The following EYS variants were observed in gnomAD, a reference collection of about 807,000 sequenced individuals.
EYS encodes EGF-like photoreceptor maintenance factor, also known as protein eyes shut homolog.
A neutral mutation model predicts 282.1 loss-of-function variants in EYS; 250 were observed. That is an observed-to-expected ratio of 0.89 (90% confidence interval 0.80 to 0.98). The LOEUF is 0.98. Ranked by LOEUF, EYS falls within the 50% of genes least tolerant of loss-of-function variation. The pLI, the probability that EYS is intolerant of heterozygous loss-of-function variation, is 0.00. For synonymous variants in EYS, 1,355 were observed against 1,282.9 expected (o/e 1.06, Z -1.20); for missense variants, 4,016 against 3,709.0 (o/e 1.08, Z -2.15).
chr6:65,329,736 T>A (rs183965413), intron 11 of EYS: 203 of 973,916 alleles, frequency 2.1e-4, no homozygotes, highest in Non-Finnish European at 2.4e-4. Context: ...TTAGAATAAA[T>A]AATTATTAGA....
chr6:64,585,478 T>C (rs1766207387), intron 26 of EYS, among the ~76,000 whole-genome samples: 1 of 152,120 alleles, frequency 6.6e-6, no homozygotes, highest in African/African-American at 2.4e-5. Context: ...ATGTTGAAAC[T>C]TTTATTCAGA....
chr6:64,271,726 T>C (rs1289891493), intron 30 of EYS, among the ~76,000 whole-genome samples: 1 of 152,098 alleles, frequency 6.6e-6, no homozygotes. Flanking sequence ...TTTTTTGCAT[T>C]AAACTAAACA....
chr6:63,960,151 C>A (rs764660106), intron 35 of EYS, among the ~76,000 whole-genome samples: 17 of 151,956 alleles, frequency 1.1e-4, no homozygotes, highest in Non-Finnish European at 2.2e-4. Flanking sequence ...GCATTAAGAA[C>A]ATCCATGGTT....
chr6:65,662,742 T>C (rs1562315674), intron 1 of EYS, among the ~76,000 whole-genome samples: 2 of 152,138 alleles, frequency 1.3e-5, no homozygotes, highest in Non-Finnish European at 2.9e-5. Flanking sequence ...ATTTTAAGGT[T>C]TATCTTTAAT....
chr6:64,901,185 C>G (rs1164972020), intron 18 of EYS, among the ~76,000 whole-genome samples: 4 of 151,076 alleles, frequency 2.6e-5, no homozygotes, highest in African/African-American at 9.7e-5. Context: ...GTGGGAGTTG[C>G]CCAATGAGAA....
intron 26 of EYS, among the ~76,000 whole-genome samples, chr6:64,551,033 G>T (rs1252642092): frequency 6.6e-6 from 1 of 151,780 alleles, no homozygotes; most frequent in Non-Finnish European, 1.5e-5. Context: ...AGCTATAGTA[G>T]CTTCACACTT....
chr6:65,698,970 T>A (rs1429986092), intron 1 of EYS, among the ~76,000 whole-genome samples: 1 of 152,200 alleles, frequency 6.6e-6, no homozygotes, highest in Non-Finnish European at 1.5e-5. Context: ...TTCTTCAAAC[T>A]AGTCAATAAG....
rs1767095234 is a variant in EYS at position 64,886,686 on chromosome 6, T to G, written c.2992+11A>C. 6.5e-7 allele frequency: 1 copy of G among 1,538,330 alleles called. No individual in the cohort carries two copies. On this transcript the variant is annotated intron_variant, in intron 19 of 42. Transcript: ENST00000503581. ...AATATGTTGCTGCACATGGGACAGA[T>G]ATGGATTTACCTGTATAACCAGGGG... is the stretch of plus-strand genomic sequence containing the variant.
intron 5 of EYS, among the ~76,000 whole-genome samples, chr6:65,458,548 A>G (rs1764711409): frequency 6.6e-6 from 1 of 152,142 alleles, no homozygotes; most frequent in South Asian, 2.1e-4. Flanking sequence ...CGAGAACTTC[A>G]GGACTAATTT....
intron 39 of EYS, among the ~76,000 whole-genome samples, chr6:63,781,628 A>T (rs1290295895): frequency 2.6e-5 from 4 of 152,214 alleles, no homozygotes; most frequent in African/African-American, 9.7e-5. Context: ...GAAGTTGCTT[A>T]TCAGCTTAAG....
At chr6:65,593,011 A>C (rs879636747) in intron 2 of EYS, among the ~76,000 whole-genome samples, 27 of 152,126 alleles carry the variant, frequency 1.8e-4, no homozygotes, top group Non-Finnish European at 2.8e-4. Flanking sequence ...TCAATGTTGA[A>C]GATAATATGT....
chr6:64,118,948 G>T (rs941379837), intron 31 of EYS, among the ~76,000 whole-genome samples: 1 of 152,086 alleles, frequency 6.6e-6, no homozygotes, highest in Non-Finnish European at 1.5e-5. Flanking sequence ...CTGAAAAAAT[G>T]TTCAACATCA....
At chr6:64,345,886 G>A (rs1771368561) in intron 29 of EYS, among the ~76,000 whole-genome samples, 1 of 152,080 alleles carries the variant, frequency 6.6e-6, no homozygotes, top group Non-Finnish European at 1.5e-5. Flanking sequence ...CAAAAAGTGG[G>A]CGAAGGATAT....
chr6:65,241,564 T>A (rs1767058875), intron 12 of EYS, among the ~76,000 whole-genome samples: 1 of 152,094 alleles, frequency 6.6e-6, no homozygotes, highest in South Asian at 2.1e-4. Context: ...TTGTAATTAT[T>A]TATAATAATT....
chr6:64,105,072 G>T (rs570303776), intron 31 of EYS, among the ~76,000 whole-genome samples: 50 of 151,944 alleles, frequency 3.3e-4, no homozygotes, highest in Non-Finnish European at 5.7e-4. Flanking sequence ...ATGAAAGAGA[G>T]CAGAAGAGGA....
intron 22 of EYS, among the ~76,000 whole-genome samples, chr6:64,752,325 A>T (rs972721708): frequency 1.3e-5 from 2 of 152,108 alleles, no homozygotes; most frequent in Non-Finnish European, 2.9e-5. Context: ...AACAAACATA[A>T]CTTTTAGAGG....
At chr6:64,919,232 C>T (rs956597375) in intron 15 of EYS, among the ~76,000 whole-genome samples, 3 of 151,802 alleles carry the variant, frequency 2.0e-5, no homozygotes, top group East Asian at 1.9e-4. Flanking sequence ...AGTGCAGTGG[C>T]GCGTTCTCGG....
At chr6:65,195,834 T>C (rs1415277117) in intron 12 of EYS, among the ~76,000 whole-genome samples, 1 of 152,074 alleles carries the variant, frequency 6.6e-6, no homozygotes, top group Non-Finnish European at 1.5e-5. Flanking sequence ...AACAGTATTC[T>C]GTCTCTGTGT....
At chr6:63,965,341 A>G (rs1766257446) in intron 35 of EYS, among the ~76,000 whole-genome samples, 1 of 152,304 alleles carries the variant, frequency 6.6e-6, no homozygotes, top group Admixed American at 6.5e-5. Context: ...GTGTGATCCC[A>G]CTGTGTCCCA....
Sources: allele counts gnomAD v4.1 joint callset (sites outside exome capture counted in the v4.1 genomes callset), GRCh38; gene constraint gnomAD v4.1.1; transcripts MANE v1.5; gene names NCBI Gene and HGNC (gene_info 2026-07-23, HGNC 2026-07-21).